Variants in CPEB4 observed in about 807,000 individuals in gnomAD.
CPEB4 encodes the protein cytoplasmic polyadenylation element-binding protein 4.
CPEB4 carries 12 observed loss-of-function variants against 72.5 expected under a neutral mutation model. The ratio of observed to expected loss-of-function variants is 0.17; its 90% CI spans 0.11 to 0.27. The LOEUF is 0.27. CPEB4 is among the 10% of genes least tolerant of loss of function. The probability of loss-of-function intolerance (pLI) is 1.00; values close to 1 mark genes in which losing one functional copy is unlikely to be tolerated. For missense variants in CPEB4, 614 were observed against 908.5 expected (o/e 0.68, Z 4.17); for synonymous variants, 302 against 326.3 (o/e 0.93, Z 0.80).
chr5:173,907,147 G>A (rs535785813), intron 1 of CPEB4, among the ~76,000 whole-genome samples: 2 of 152,232 alleles, frequency 1.3e-5, no homozygotes, highest in East Asian at 3.9e-4. Context: ...CGCACCTTTA[G>A]TCCCAGCTAC....
At chr5:173,937,019 CTTTTTTTTTTTTT>C (rs150187685) in intron 3 of CPEB4, among the ~76,000 whole-genome samples, 2 of 97,214 alleles carry the variant, frequency 2.1e-5, no homozygotes, top group Admixed American at 2.2e-4. Flanking sequence ...CATTTCTTTC[CTTTTTTTTTTTTT>C]TTTTTTTTTG....
chr5:173,917,339 G>A (rs1159100028), intron 2 of CPEB4, among the ~76,000 whole-genome samples: 1 of 152,130 alleles, frequency 6.6e-6, no homozygotes, highest in Non-Finnish European at 1.5e-5. Context: ...GGCAAAATAA[G>A]AACAGATTAC....
chr5:173,938,520 C>T (rs1472025508), intron 3 of CPEB4, among the ~76,000 whole-genome samples: 1 of 152,198 alleles, frequency 6.6e-6, no homozygotes, highest in African/African-American at 2.4e-5. Flanking sequence ...GCCACCATGC[C>T]TAGCCAAAAG....
rs1264835749 is a variant in CPEB4, at chr5:173,961,042, A to C, written c.*4905A>C. 1.3e-5 allele frequency: 2 copies of C among 152,210 alleles called. No individual in the cohort carries two copies. Among genetic ancestry groups the C allele is most frequent in the African/African-American group, 4.8e-5 (2 of 41,438 alleles). 9.4% of individuals were successfully genotyped at this position (152,210 alleles called of 1,614,324 possible). On this transcript the variant is annotated 3_prime_UTR_variant, in exon 10 of 10. Coordinates refer to ENST00000265085, the MANE Select transcript of CPEB4 (RefSeq NM_030627.4). ...GTTCTTTCTTGAGTATAGTATTCTC[A>C]AGACTAGAAGAGGTTCTTGTCCTGA...
At chr5:173,929,121 A>G (rs1470122576) in intron 2 of CPEB4, among the ~76,000 whole-genome samples, 2 of 152,154 alleles carry the variant, frequency 1.3e-5, no homozygotes, top group African/African-American at 2.4e-5. Flanking sequence ...TCAGTGTCGC[A>G]TTGTGTCTTA....
chr5:173,951,221 G>A (rs1758205025), intron 7 of CPEB4, among the ~76,000 whole-genome samples: 1 of 152,096 alleles, frequency 6.6e-6, no homozygotes, highest in Non-Finnish European at 1.5e-5. Flanking sequence ...TTTGGTGTGG[G>A]CATTTGTGAC....
intron 2 of CPEB4, among the ~76,000 whole-genome samples, chr5:173,926,370 T>C (rs1757241000): frequency 6.6e-6 from 1 of 152,250 alleles, no homozygotes; most frequent in South Asian, 2.1e-4. Context: ...TGATAGTACA[T>C]ACTGTTCTTT....
At chr5:173,927,876 G>T (rs1757305309) in intron 2 of CPEB4, among the ~76,000 whole-genome samples, 1 of 152,152 alleles carries the variant, frequency 6.6e-6, no homozygotes, top group Non-Finnish European at 1.5e-5. Flanking sequence ...ATTCATAATT[G>T]TCAAAACTTG....
rs1755691104 is a variant in CPEB4 at position 173,888,554 on chromosome 5, G to C, written c.-1180G>C. 5.0e-6 allele frequency: 2 copies of C among 403,270 alleles called. No homozygotes were observed. Among genetic ancestry groups the C allele is most frequent in the Non-Finnish European group, 8.7e-6 (2 of 229,256 alleles). The allele number at this position is 403,270 out of a possible 1,614,324, so 25.0% of individuals were successfully genotyped here. ...GGGTAAAGCGGCGACGGCGGCGACG[G>C]CCCAGCAACCGTGAGGAGAAACAAA... On this transcript the variant is annotated 5_prime_UTR_variant, in exon 1 of 10. Coordinates refer to ENST00000265085, the MANE Select transcript of CPEB4 (RefSeq NM_030627.4). The surrounding 1 kb of genome is among the most constrained non-coding windows in gnomAD (Gnocchi z 4.3).
chr5:173,941,336 A>G (rs867486330), intron 3 of CPEB4, among the ~76,000 whole-genome samples: 3 of 152,176 alleles, frequency 2.0e-5, no homozygotes, highest in African/African-American at 4.8e-5. Context: ...CTTAAGACCT[A>G]TTAAAGTGAA....
At chr5:173,901,926 T>TCAC (rs1490289371) in intron 1 of CPEB4, among the ~76,000 whole-genome samples, 1 of 152,166 alleles carries the variant, frequency 6.6e-6, no homozygotes, top group Non-Finnish European at 1.5e-5. Flanking sequence ...ACAGAGCTTA[T>TCAC]CACTATCTTG....
chr5:173,927,103 A>C (rs1757269083), intron 2 of CPEB4, among the ~76,000 whole-genome samples: 1 of 152,144 alleles, frequency 6.6e-6, no homozygotes, highest in Non-Finnish European at 1.5e-5. Context: ...GTGAGCCAAG[A>C]TCGTGCCATT....
At chr5:173,934,376 G>A (rs1230886260) in intron 3 of CPEB4, among the ~76,000 whole-genome samples, 1 of 152,016 alleles carries the variant, frequency 6.6e-6, no homozygotes, top group Non-Finnish European at 1.5e-5. Flanking sequence ...AGTTTTTAAT[G>A]TTGTATACGT....
intron 5 of CPEB4, 71 bp from the exon 6 acceptor site, chr5:173,949,437 T>G: frequency 8.6e-7 from 1 of 1,158,632 alleles, no homozygotes; most frequent in Non-Finnish European, 1.3e-6. Context: ...GATTTGAAAC[T>G]TAAAAGAAAA....
intron 2 of CPEB4, among the ~76,000 whole-genome samples, chr5:173,928,636 A>G (rs900118306): frequency 6.6e-6 from 1 of 152,224 alleles, no homozygotes; most frequent in African/African-American, 2.4e-5. Flanking sequence ...CTAGCTAGCC[A>G]TGGAATAGAA....
At chr5:173,925,669 G>A (rs969314304) in intron 2 of CPEB4, among the ~76,000 whole-genome samples, 2 of 152,148 alleles carry the variant, frequency 1.3e-5, no homozygotes, top group South Asian at 2.1e-4. Context: ...TCCCCACAGC[G>A]CCATCTTGCT....
At chr5:173,893,654 C>T (rs1239159903) in intron 1 of CPEB4, among the ~76,000 whole-genome samples, 1 of 152,084 alleles carries the variant, frequency 6.6e-6, no homozygotes, top group Non-Finnish European at 1.5e-5. Context: ...ATAGTGCTTA[C>T]ATGGGTACAT....
At chr5:173,945,515 T>C (rs1757988886) in intron 5 of CPEB4, among the ~76,000 whole-genome samples, 1 of 152,226 alleles carries the variant, frequency 6.6e-6, no homozygotes, top group Non-Finnish European at 1.5e-5. Flanking sequence ...GCTCCACAAA[T>C]GTATAGTTCA....
At chr5:173,941,445 TG>T (rs1001635467) in intron 3 of CPEB4, among the ~76,000 whole-genome samples, 9 of 152,370 alleles carry the variant, frequency 5.9e-5, no homozygotes, top group African/African-American at 2.2e-4. Flanking sequence ...AAATGTATTT[TG>T]GTTTGAGATA....
Sources: gnomAD v4.1 joint callset for allele counts (sites outside exome capture counted in the v4.1 genomes callset) on GRCh38, gnomAD v4.1.1 for gene constraint, Gnocchi (gnomAD v3.1) non-coding constraint, MANE v1.5 for transcripts, NCBI Gene and HGNC (gene_info 2026-07-23, HGNC 2026-07-21) for gene names.